The following SCN7A variants were observed in gnomAD, a reference collection of about 807,000 sequenced individuals.
The protein encoded by SCN7A is sodium voltage-gated channel alpha subunit 7.
In SCN7A, 138 loss-of-function variants were observed where a neutral mutation model predicts 155.2. The observed-to-expected ratio is 0.89, with a 90% confidence interval of 0.77 to 1.02. SCN7A has a LOEUF of 1.02. Ranked by LOEUF, SCN7A falls within the 50% of genes least tolerant of loss-of-function variation. The pLI is 0.00. For synonymous variants in SCN7A, 693 were observed against 649.0 expected (o/e 1.07, Z -1.03); for missense variants, 2,058 against 1,986.6 (o/e 1.04, Z -0.68).
At chr2:166,492,861 T>A (rs1463385099) in intron 1 of SCN7A, among the ~76,000 whole-genome samples, 3 of 152,214 alleles carry the variant, frequency 2.0e-5, no homozygotes, top group African/African-American at 7.2e-5. Flanking sequence ...TGGAGTGTCA[T>A]TTATAAATAA....
At position 166,404,193 on chromosome 2, in the gene SCN7A, A is replaced by AT. The variant is rs1701016715; in HGVS notation, c.*1386dup. 1 of 152,000 alleles carries AT rather than the reference A, an allele frequency of 6.6e-6. No individual in the cohort carries two copies. Among genetic ancestry groups the AT allele is most frequent in the Non-Finnish European group, 1.5e-5 (1 of 67,934 alleles). The allele number at this position is 152,000 out of a possible 1,614,324, so 9.4% of individuals were successfully genotyped here. On this transcript the variant is annotated 3_prime_UTR_variant, in exon 26 of 26. Transcript: ENST00000643258. ...GAATCTTTTAGGACTTAGCAGGCAC[A>AT]TTGAAATCAATCTTCATAAAGTTGG...
intron 18 of SCN7A, among the ~76,000 whole-genome samples, chr2:166,426,880 T>C (rs976307187): frequency 5.3e-4 from 80 of 152,202 alleles, no homozygotes; most frequent in African/African-American, 1.9e-3. Context: ...TTTAAAAATA[T>C]AGGCAGTGCA....
Position 166,467,457 on chromosome 2 carries a change from T to TTA in SCN7A, c.665-1472_665-1471dup, listed in dbSNP as rs201020881. On this transcript the variant is annotated intron_variant, in intron 7 of 25. Transcript: ENST00000643258. ...CTTAAAGAAAAATATATGTCTGTGT[T>TTA]TATATATATATGTGTTTTTATATAT... Among the ~76,000 whole-genome samples the TTA allele has an allele frequency of 6.0e-3, 882 of 147,380 alleles. 4 individuals carry two copies. The highest frequency in any genetic ancestry group is 0.011 in the Middle Eastern group (3 of 280).
chr2:166,479,471 G>A (rs1702872463), intron 2 of SCN7A, among the ~76,000 whole-genome samples: 1 of 152,112 alleles, frequency 6.6e-6, no homozygotes, highest in Non-Finnish European at 1.5e-5. Flanking sequence ...GAGAAGTAAA[G>A]ATGAAAATAA....
chr2:166,422,695 T>C (rs958057608), intron 19 of SCN7A, among the ~76,000 whole-genome samples: 2 of 152,190 alleles, frequency 1.3e-5, no homozygotes, highest in African/African-American at 2.4e-5. Context: ...ATTGCAAAGA[T>C]TGTTGATTTT....
At chr2:166,482,729 GAATA>G (rs35022921) in intron 2 of SCN7A, among the ~76,000 whole-genome samples, 17,394 of 149,766 alleles carry the variant, frequency 0.12, 1,165 homozygotes, top group Middle Eastern at 0.16. Flanking sequence ...ATGAATGAAT[GAATA>G]GACAGCAGGC....
At chr2:166,465,326 C>A (rs1702504907) in intron 9 of SCN7A, 136 bp downstream of exon 9, 4 of 685,458 alleles carry the variant, frequency 5.8e-6, no homozygotes, top group Admixed American at 5.7e-5. Flanking sequence ...TAGACTAAGA[C>A]AACTTCTCAG....
intron 18 of SCN7A, 74 bp downstream of exon 18, chr2:166,427,714 T>C: frequency 7.3e-7 from 1 of 1,365,690 alleles, no homozygotes; most frequent in Non-Finnish European, 1.0e-6. Flanking sequence ...ATCCTGGTTT[T>C]GACTTTCTGA....
chr2:166,471,950 C>T (rs1003493625), intron 6 of SCN7A, among the ~76,000 whole-genome samples: 1 of 151,816 alleles, frequency 6.6e-6, no homozygotes, highest in Non-Finnish European at 1.5e-5. Flanking sequence ...CAGAAAATAA[C>T]CCACTCCTTT....
At chr2:166,486,150 T>A (rs911093971) in intron 2 of SCN7A, among the ~76,000 whole-genome samples, 7 of 152,196 alleles carry the variant, frequency 4.6e-5, no homozygotes, top group Non-Finnish European at 1.0e-4. Flanking sequence ...CTTCGGGACC[T>A]CTCAGAACTA....
At chr2:166,419,064 G>C (rs954283900) in intron 20 of SCN7A, among the ~76,000 whole-genome samples, 2 of 152,134 alleles carry the variant, frequency 1.3e-5, no homozygotes, top group African/African-American at 4.8e-5. Context: ...ATTTCTGACA[G>C]AGTCAGTTTC....
At chr2:166,413,404 G>A (rs962114206) in intron 21 of SCN7A, among the ~76,000 whole-genome samples, 11 of 152,086 alleles carry the variant, frequency 7.2e-5, no homozygotes, top group Non-Finnish European at 1.5e-5. Flanking sequence ...ATGCGGCCAT[G>A]TGTCATGGTG....
rs1701072361 is a variant in SCN7A, at chr2:166,406,321, C to T, written c.4308G>A (p.Trp1436Ter). 4 of 1,612,964 alleles carry T rather than the reference C, an allele frequency of 2.5e-6. No individual in the cohort carries two copies. Among genetic ancestry groups the T allele is most frequent in the Non-Finnish European group, 3.4e-6 (4 of 1,179,400 alleles). Residue 1436 changes from tryptophan to a stop codon, truncating the protein, a stop_gained, in exon 26 of 26, where the codon TGG becomes TGA. Transcript: ENST00000643258. LOFTEE classifies it high-confidence loss of function. ...TGAAAATTGCATCAAGCATCCCATC[C>T]CAACCAGCAAATATTGCAACTTGAA... ...CLFQVAIFAG[W>*]DGMLDAIFNS...
intron 18 of SCN7A, among the ~76,000 whole-genome samples, chr2:166,427,106 C>T (rs1413529892): frequency 1.3e-5 from 2 of 152,116 alleles, no homozygotes; most frequent in African/African-American, 4.8e-5. Context: ...CTTATTACTA[C>T]ATCTTGATGA....
Position 166,465,547 on chromosome 2 carries a change from GA to G in SCN7A, c.872-17del. ...TTTTCTGTTTCTGAAAAACAGGCAAGAAATGATATTCTATATGTAATTATGA... is the reference window on the plus strand; with the variant it reads ...TTTTCTGTTTCTGAAAAACAGGCAAGAATGATATTCTATATGTAATTATGA... On this transcript the variant is annotated splice_polypyrimidine_tract_variant and intron_variant, in intron 8 of 25. Coordinates refer to ENST00000643258, the MANE Select transcript of SCN7A (RefSeq NM_002976.4). The G allele has an allele frequency of 6.4e-7, 1 of 1,555,844 alleles. No homozygotes were observed. The highest frequency in any genetic ancestry group is 8.8e-7 in the Non-Finnish European group (1 of 1,138,400).
intron 2 of SCN7A, among the ~76,000 whole-genome samples, chr2:166,483,424 G>A (rs914847941): frequency 1.3e-4 from 19 of 151,760 alleles, no homozygotes; most frequent in South Asian, 2.1e-4. Flanking sequence ...ATTTATTTGC[G>A]TAGTTTTGTG....
chr2:166,441,336 A>C, intron 15 of SCN7A, 60 bp downstream of exon 15: 1 of 1,247,916 alleles, frequency 8.0e-7, no homozygotes, highest in Non-Finnish European at 1.1e-6. Flanking sequence ...GCACATCATG[A>C]AAATACCAAA....
At chr2:166,440,330 A>C (rs1024241849) in intron 15 of SCN7A, among the ~76,000 whole-genome samples, 2 of 152,216 alleles carry the variant, frequency 1.3e-5, no homozygotes, top group Non-Finnish European at 2.9e-5. Flanking sequence ...CAGCAGTGTT[A>C]CATTTAAGTG....
chr2:166,412,946 A>G (rs2105368194), intron 22 of SCN7A, 122 bp downstream of exon 22: 11 of 878,308 alleles, frequency 1.3e-5, no homozygotes, highest in Non-Finnish European at 1.7e-5. Context: ...TTCATTGCCA[A>G]TGAAATATCC....
Sources: allele counts gnomAD v4.1 joint callset (sites outside exome capture counted in the v4.1 genomes callset), GRCh38; gene constraint gnomAD v4.1.1; transcripts MANE v1.5; gene names NCBI Gene and HGNC (gene_info 2026-07-23, HGNC 2026-07-21).